Variants in DUOX1 observed in about 807,000 individuals in gnomAD.
DUOX1 encodes the protein dual oxidase 1.
Under a neutral mutation model 181.8 loss-of-function variants are expected in DUOX1, and 134 were observed. The observed-to-expected ratio is 0.74, with a 90% CI of 0.64 to 0.85. The LOEUF (loss-of-function observed/expected upper bound fraction) is 0.85. Among genes scored for constraint, DUOX1 ranks in the 40% least tolerant of loss-of-function variants. DUOX1 has a pLI of 0.00. For synonymous variants in DUOX1, 798 were observed against 832.5 expected (o/e 0.96, Z 0.71); for missense variants, 1,814 against 2,064.4 (o/e 0.88, Z 2.35).
At chr15:45,147,392 C>T in intron 18 of DUOX1, 41 bp from the exon 19 acceptor site, 1 of 1,595,306 alleles carries the variant, frequency 6.3e-7, no homozygotes, top group Non-Finnish European at 8.5e-7. Flanking sequence ...GTCAAGGAAG[C>T]CTTGTCTCCT....
At position 45,144,284 on chromosome 15, in the gene DUOX1, A is replaced by G. The variant is rs57753607; in HGVS notation, c.2136+49A>G. 2.7e-3 allele frequency: 4,337 copies of G among 1,598,684 alleles called. 95 individuals are homozygous for G. In the African/African-American group the frequency reaches 0.049, roughly 18 times the overall value. On this transcript the variant is annotated intron_variant, in intron 17 of 33. Coordinates refer to ENST00000389037, the MANE Select transcript of DUOX1 (RefSeq NM_175940.3). ...TCCTTGTCCACAGCCAAGGCCAGGG[A>G]GGCAGCCAGGTGGAGGGGAAGAAGC...
intron 26 of DUOX1, 50 bp from the exon 27 acceptor site, chr15:45,153,897 AAAAG>A (rs1896897884): frequency 4.6e-6 from 7 of 1,514,754 alleles, no homozygotes; most frequent in Admixed American, 1.8e-5. Context: ...AAAAAAAAAA[AAAAG>A]AGAGAGAGAT....
intron 2 of DUOX1, 30 bp from the exon 3 acceptor site, chr15:45,133,834 C>A: frequency 6.2e-7 from 1 of 1,604,574 alleles, no homozygotes; most frequent in South Asian, 1.1e-5. Flanking sequence ...CTGACTTGCC[C>A]AGCTGCCCCT....
chr15:45,150,537 C>A, intron 21 of DUOX1, 95 bp from the exon 22 acceptor site: 1 of 1,193,344 alleles, frequency 8.4e-7, no homozygotes, highest in Non-Finnish European at 1.2e-6. Flanking sequence ...GTCTACTGTG[C>A]CTGAGCATGG....
Position 45,163,544 on chromosome 15 carries a change from T to C in DUOX1, c.4261T>C (p.Trp1421Arg). Residue 1421 changes from tryptophan (W) to arginine (R), a missense_variant, in exon 32 of 34, where the codon TGG (tryptophan) becomes CGG (arginine). Transcript: ENST00000389037. ...CCTGTGTCCCCAGATCTACTTCATC[T>C]GGGTGACGCGGACCCAGCGTCAGTT... is the stretch of plus-strand genomic sequence containing the variant. ...QVFCKKIYFIWVTRTQRQFEW... is the reference protein window; with the variant it reads ...QVFCKKIYFIRVTRTQRQFEW... 4 of 1,614,136 alleles carry C rather than the reference T, an allele frequency of 2.5e-6. No homozygotes were observed. The highest frequency in any genetic ancestry group is 3.4e-6 in the Non-Finnish European group (4 of 1,180,024).
intron 29 of DUOX1, 87 bp downstream of exon 29, chr15:45,161,077 G>C (rs572935776): frequency 2.5e-6 from 4 of 1,572,130 alleles, no homozygotes; most frequent in Non-Finnish European, 3.5e-6. Context: ...TCTCCTGGTC[G>C]GGCCCAGTGG....
chr15:45,160,498 G>A (rs1897070575), intron 28 of DUOX1, among the ~76,000 whole-genome samples: 1 of 150,484 alleles, frequency 6.6e-6, no homozygotes, highest in Non-Finnish European at 1.5e-5. Flanking sequence ...ACTTTAAAAA[G>A]TCACACTGGC....
intron 9 of DUOX1, among the ~76,000 whole-genome samples, chr15:45,137,110 G>A (rs1664262100): frequency 6.6e-6 from 1 of 151,212 alleles, no homozygotes; most frequent in Admixed American, 6.6e-5. Flanking sequence ...CACTTTGGGA[G>A]GCAGAGGTGG....
In DUOX1 at chr15:45,160,951, G is replaced by T. The variant is rs778733419; in HGVS notation, c.3817G>T (p.Val1273Leu). ...DKLVSLSRKKVEISVVKAELL... is the reference protein window; with the variant it reads ...DKLVSLSRKKLEISVVKAELL... ...GCTGGTGAGCCTGAGCCGGAAGAAG[G>T]TGGAGATCAGCGTGGTGAAGGCGGA... Residue 1273 changes from valine (V) to leucine (L), a missense_variant, in exon 29 of 34, where the codon GTG becomes TTG. Transcript: ENST00000389037. 6.2e-7 allele frequency: 1 copy of T among 1,614,082 alleles called. No individual in the cohort carries two copies. Among genetic ancestry groups the T allele is most frequent in the Non-Finnish European group, 8.5e-7 (1 of 1,180,052 alleles).
chr15:45,138,078 ATGTGTGTGTGTG>A, intron 10 of DUOX1, 64 bp downstream of exon 10: 2 of 547,328 alleles, frequency 3.7e-6, no homozygotes, highest in Non-Finnish European at 2.9e-6. Flanking sequence ...GTGTGTGTGT[ATGTGTGTGTGTG>A]TGTGTGTGTG....
intron 28 of DUOX1, 139 bp from the exon 29 acceptor site, chr15:45,160,698 A>G (rs777145125): frequency 6.9e-6 from 8 of 1,163,426 alleles, no homozygotes; most frequent in African/African-American, 1.5e-5. Context: ...AGGTTTTGCA[A>G]CCTAGAAGGA....
At chr15:45,151,749 C>T in intron 23 of DUOX1, 125 bp from the exon 24 acceptor site, 1 of 994,402 alleles carries the variant, frequency 1.0e-6, no homozygotes. Context: ...ACAAGGGTAA[C>T]TAGGTTTCTT....
In DUOX1 at chr15:45,160,968, G is replaced by A. The variant is rs1363113096; in HGVS notation, c.3834G>A (p.Val1278=). 1 of 1,614,148 alleles carries A rather than the reference G, an allele frequency of 6.2e-7. No homozygotes were observed. The highest frequency in any genetic ancestry group is 1.7e-5 in the Admixed American group (1 of 60,014). Residue 1278 remains valine, a synonymous_variant, in exon 29 of 34, where the codon GTG becomes GTA. Coordinates refer to ENST00000389037, the MANE Select transcript of DUOX1 (RefSeq NM_175940.3). The stretch of plus-strand genomic sequence containing the variant: ...GGAAGAAGGTGGAGATCAGCGTGGT[G>A]AAGGCGGAGCTGCTGCCCTCAGGTA... ...LSRKKVEISV[V]KAELLPSGVT...
intron 20 of DUOX1, 108 bp downstream of exon 20, chr15:45,148,105 T>C (rs1896702376): frequency 7.0e-7 from 1 of 1,431,388 alleles, no homozygotes; most frequent in Non-Finnish European, 9.8e-7. Flanking sequence ...AGCCTCCTCC[T>C]TACCCATGTA....
rs779545379 is a variant in DUOX1, at chr15:45,143,289, T to C, written c.1922T>C (p.Val641Ala). 5.6e-6 allele frequency: 9 copies of C among 1,613,850 alleles called. No homozygotes were observed. In the African/African-American group the frequency reaches 1.2e-4, roughly 22 times the overall value. Residue 641 changes from valine (V) to alanine (A), a missense_variant, in exon 16 of 34, where the codon GTG becomes GCG. Transcript: ENST00000389037. ...CAGAGCATCGTGTCTGAGAAGCTCG[T>C]GGGAGGCATGGAAGGTAGGTCTAGG... ...DRQSIVSEKL[V>A]GGMEALEWQG...
Position 45,164,865 on chromosome 15 carries a change from C to T in DUOX1, c.4620C>T (p.Asp1540=), listed in dbSNP as rs1183291641. The part of the protein sequence containing the change: ...EKACQLINRQ[D]RTHFSHHYEN... ...CCTGTCAGCTCATCAACAGGCAGGA[C>T]CGGACTCACTTCTCCCACCATTATG... Residue 1540 remains aspartate, a synonymous_variant, in exon 34 of 34, where the codon GAC becomes GAT. Coordinates refer to ENST00000389037, the MANE Select transcript of DUOX1 (RefSeq NM_175940.3). 1 of 1,614,160 alleles carries T rather than the reference C, an allele frequency of 6.2e-7. No homozygotes were observed. Among genetic ancestry groups the T allele is most frequent in the Non-Finnish European group, 8.5e-7 (1 of 1,179,992 alleles).
chr15:45,136,323 C>A (rs1896312945), intron 7 of DUOX1, 27 bp from the exon 8 acceptor site: 1 of 1,612,598 alleles, frequency 6.2e-7, no homozygotes, highest in African/African-American at 1.3e-5. Flanking sequence ...CAACTCGTGC[C>A]TCCCCTCGCC....
In DUOX1 at chr15:45,134,228, C is replaced by T. The variant is rs756239895; in HGVS notation, c.226C>T (p.Arg76Ter). The change falls in exon 4 of 34, where the codon CGA becomes TGA. Residue 76 changes from arginine to a stop codon, truncating the protein, a stop_gained. Transcript: ENST00000389037. LOFTEE classifies it high-confidence loss of function. ...PLGEPHLPNP[R>*]DLSNTISRGP... is the part of the protein sequence containing the mutation. ...GGGAGAACCCCACCTGCCCAACCCC[C>T]GAGACCTTAGCAACACCATCTCAAG... is the stretch of plus-strand genomic sequence containing the variant. 21 of 1,577,752 alleles carry T rather than the reference C, an allele frequency of 1.3e-5. No homozygotes were observed. Among genetic ancestry groups the T allele is most frequent in the East Asian group, 1.1e-4 (5 of 44,388 alleles).
At position 45,153,422 on chromosome 15, in the gene DUOX1, C is replaced by G. The variant is rs1281385183; in HGVS notation, c.3467C>G (p.Ser1156Cys). The change falls in exon 26 of 34, where the codon TCC becomes TGC. Residue 1156 changes from serine to cysteine, a missense_variant. This residue lies in a region of DUOX1 where 1,064 missense variants were observed against 1,152.9 expected (regional missense o/e 0.92). Coordinates refer to ENST00000389037, the MANE Select transcript of DUOX1 (RefSeq NM_175940.3). ...VGHVVNVYLF[S>C]ISPLSVLSCL... ...CATGTGGTGAATGTGTACCTGTTCT[C>G]CATCAGCCCCCTCAGCGTCCTCTCT... is the stretch of plus-strand genomic sequence containing the variant. The G allele has an allele frequency of 1.2e-6, 2 of 1,613,664 alleles. No individual in the cohort carries two copies. The highest frequency in any genetic ancestry group is 1.7e-6 in the Non-Finnish European group (2 of 1,179,968).
Sources: gnomAD v4.1 joint callset for allele counts (sites outside exome capture counted in the v4.1 genomes callset) on GRCh38, gnomAD v4.1.1 for gene constraint, gnomAD v4.1.1 regional missense constraint, MANE v1.5 for transcripts, NCBI Gene and HGNC (gene_info 2026-07-23, HGNC 2026-07-21) for gene names.